IRF8: variants seen among roughly 807,000 people sequenced by gnomAD.
IRF8 encodes interferon consensus sequence binding protein 1.
Under a neutral mutation model 48.7 loss-of-function variants are expected in IRF8, and 14 were observed. That is an observed-to-expected ratio of 0.29 (90% CI 0.19 to 0.45). IRF8 has a LOEUF of 0.45. Among genes scored for constraint, IRF8 ranks in the 20% least tolerant of loss-of-function variants. The probability of loss-of-function intolerance (pLI) is 1.00; values close to 1 mark genes in which losing one functional copy is unlikely to be tolerated. For missense variants in IRF8, 493 were observed against 580.7 expected (o/e 0.85, Z 1.55); for synonymous variants, 278 against 227.3 (o/e 1.22, Z -2.01).
At chr16:85,919,991 G>T (rs1269186615) in intron 7 of IRF8, 118 bp from the exon 8 acceptor site, 6 of 777,484 alleles carry the variant, frequency 7.7e-6, no homozygotes, top group East Asian at 2.7e-5. Flanking sequence ...GAGATCCCAT[G>T]GTGCCCTGGC....
At chr16:85,899,393 A>G (rs1904748789) in intron 1 of IRF8, among the ~76,000 whole-genome samples, 170 bp downstream of exon 1, 1 of 152,258 alleles carries the variant, frequency 6.6e-6, no homozygotes, top group Admixed American at 6.5e-5. Context: ...CAGCCACCTA[A>G]GTCCAATCTG....
rs150521331 is a variant in IRF8 at position 85,913,142 on chromosome 16, C to T, written c.459C>T (p.Asp153=). The change falls in exon 5 of 9, where the codon GAC becomes GAT. Residue 153 remains aspartate (D), a synonymous_variant. Coordinates refer to ENST00000268638, the MANE Select transcript of IRF8 (RefSeq NM_002163.4). ...IDELIKEPSV[D]DYMGMIKRSP... is the part of the protein sequence containing the mutation. ...CCCTGACTGTGCAGCCTTCTGTGGA[C>T]GATTACATGGGGATGATCAAAAGGA... 36 of 1,613,728 alleles carry T rather than the reference C, an allele frequency of 2.2e-5. No homozygotes were observed. Among genetic ancestry groups the T allele is most frequent in the East Asian group, 4.5e-5 (2 of 44,894 alleles).
At chr16:85,908,474 G>T (rs773628010) in intron 2 of IRF8, among the ~76,000 whole-genome samples, 1 of 152,170 alleles carries the variant, frequency 6.6e-6, no homozygotes, top group Non-Finnish European at 1.5e-5. Flanking sequence ...TAGAATAAAT[G>T]CAAAAATGCA....
At chr16:85,909,434 G>T (rs2152100806) in intron 3 of IRF8, 6 of 501,084 alleles carry the variant, frequency 1.2e-5, no homozygotes, top group South Asian at 1.0e-4. Context: ...CCCTGGACAG[G>T]AACAAGCATC....
chr16:85,915,117 G>C (rs8058280), intron 6 of IRF8, among the ~76,000 whole-genome samples: 1 of 152,070 alleles, frequency 6.6e-6, no homozygotes, highest in Middle Eastern at 3.4e-3. Context: ...CGCGGGCTCA[G>C]GTAGCTTGTG....
intron 5 of IRF8, 138 bp from the exon 6 acceptor site, chr16:85,914,335 C>T (rs553221562): frequency 4.6e-5 from 42 of 908,288 alleles, no homozygotes; most frequent in East Asian, 3.1e-4. Flanking sequence ...CTGAATTCAG[C>T]GGAAGCCTGT....
At chr16:85,906,795 T>C (rs987219077) in intron 2 of IRF8, among the ~76,000 whole-genome samples, 1 of 152,094 alleles carries the variant, frequency 6.6e-6, no homozygotes, top group Non-Finnish European at 1.5e-5. Flanking sequence ...GGAGACCTTT[T>C]TTGGTTGTCA....
intron 1 of IRF8, chr16:85,902,551 A>G: frequency 4.2e-6 from 1 of 238,222 alleles, no homozygotes; most frequent in Non-Finnish European, 8.3e-6. Context: ...CGGACGCAGT[A>G]TTCTATCAGG....
chr16:85,921,623 C>G lies in IRF8; in HGVS notation c.*341C>G. On this transcript the variant is annotated 3_prime_UTR_variant, in exon 9 of 9. Coordinates refer to ENST00000268638, the MANE Select transcript of IRF8 (RefSeq NM_002163.4). ...AAGACTTGTCATTCAGTAATATTAG[C>G]AGATAGCTGCTTCGATAAAGGAATT... 3 of 336,776 alleles carry G rather than the reference C, an allele frequency of 8.9e-6. No individual in the cohort carries two copies. The highest frequency in any genetic ancestry group is 8.6e-5 in the South Asian group (3 of 34,890). 20.9% of individuals were successfully genotyped at this position (336,776 alleles called of 1,614,324 possible). A position where few individuals can be genotyped will look rare whatever the true frequency, so the allele number is the denominator to read the frequency against.
In IRF8 at chr16:85,903,348, T is replaced by TG. The variant is rs538924202; in HGVS notation, c.174+160dup. 5.2e-4 allele frequency: 360 copies of TG among 691,510 alleles called. 2 individuals are homozygous for TG. In the African/African-American group the frequency reaches 5.7e-3, roughly 11 times the overall value. 42.8% of individuals were successfully genotyped at this position (691,510 alleles called of 1,614,324 possible). A position where few individuals can be genotyped will look rare whatever the true frequency, so the allele number is the denominator to read the frequency against. On this transcript the variant is annotated intron_variant, in intron 2 of 8. Coordinates refer to ENST00000268638, the MANE Select transcript of IRF8 (RefSeq NM_002163.4). ...AGGAGTGCTGAATGTGTCTCAGACA[T>TG]GTACATGAGCTGATTTCACATCTTT...
At chr16:85,919,970 G>A in intron 7 of IRF8, 139 bp from the exon 8 acceptor site, 1 of 724,992 alleles carries the variant, frequency 1.4e-6, no homozygotes, top group Non-Finnish European at 2.5e-6. Flanking sequence ...TGGCCCAAGG[G>A]CCACCAGTTT....
In IRF8 at chr16:85,918,684, A is replaced by G. The variant is rs1363516045; in HGVS notation, c.869A>G (p.Lys290Arg). The change falls in exon 7 of 9, where the codon AAG (lysine) becomes AGG (arginine). Residue 290 changes from lysine (K) to arginine (R), a missense_variant. Around this residue, in one of 3 missense-constraint regions of IRF8, gnomAD observed 408 missense variants for 449.6 expected, o/e 0.91. Transcript: ENST00000268638. Reference protein sequence around the residue: ...LHSSRQGVFVKRLCQGRVFCS... With the variant: ...LHSSRQGVFVRRLCQGRVFCS... ...AGCAGCCGGCAGGGCGTGTTCGTCAAGCGGCTGTGCCAGGGCCGCGTGTTC... is the reference window on the plus strand; with the variant it reads ...AGCAGCCGGCAGGGCGTGTTCGTCAGGCGGCTGTGCCAGGGCCGCGTGTTC... 15 of 1,611,684 alleles carry G rather than the reference A, an allele frequency of 9.3e-6. No homozygotes were observed. The highest frequency in any genetic ancestry group is 1.3e-5 in the African/African-American group (1 of 74,948).
chr16:85,918,395 A>T, intron 6 of IRF8, 22 bp from the exon 7 acceptor site: 1 of 1,593,536 alleles, frequency 6.3e-7, no homozygotes. Flanking sequence ...CAGCACCGTC[A>T]TCGTGTCCCT....
chr16:85,903,249 A>G, intron 2 of IRF8, 60 bp downstream of exon 2: 1 of 1,440,148 alleles, frequency 6.9e-7, no homozygotes, highest in Non-Finnish European at 9.7e-7. Flanking sequence ...CTCATGGACT[A>G]GTGGAGATGT....
intron 1 of IRF8, chr16:85,901,082 A>C (rs1322341879): frequency 6.6e-6 from 1 of 152,348 alleles, no homozygotes; most frequent in Non-Finnish European, 1.5e-5. Context: ...TTGCCCCAGG[A>C]AAGAGCTGCT....
intron 6 of IRF8, among the ~76,000 whole-genome samples, chr16:85,916,034 C>T (rs1567475897): frequency 1.3e-5 from 2 of 152,046 alleles, no homozygotes; most frequent in African/African-American, 4.8e-5. Context: ...AAGCCCTGGG[C>T]ACAGCACCTG....
intron 1 of IRF8, among the ~76,000 whole-genome samples, chr16:85,901,466 T>C (rs1268229583): frequency 2.6e-5 from 4 of 151,936 alleles, no homozygotes; most frequent in Non-Finnish European, 5.9e-5. Flanking sequence ...GTCTCTAAAA[T>C]GTATATCTGG....
At chr16:85,918,374 A>T in intron 6 of IRF8, 43 bp from the exon 7 acceptor site, 3 of 1,584,626 alleles carry the variant, frequency 1.9e-6, no homozygotes, top group South Asian at 1.1e-5. Context: ...GGGACCCTGT[A>T]TGTCTCCCCG....
At chr16:85,906,905 C>T (rs1049809784) in intron 2 of IRF8, among the ~76,000 whole-genome samples, 1 of 152,078 alleles carries the variant, frequency 6.6e-6, no homozygotes, top group African/African-American at 2.4e-5. Flanking sequence ...AAAGAAGGGT[C>T]CCAGCTGATA....
Sources: allele counts gnomAD v4.1 joint callset (sites outside exome capture counted in the v4.1 genomes callset), GRCh38; gene constraint gnomAD v4.1.1; regional missense constraint gnomAD v4.1.1; transcripts MANE v1.5; gene names NCBI Gene and HGNC (gene_info 2026-07-23, HGNC 2026-07-21).